The following GRM7 variants were observed in gnomAD, a reference collection of about 807,000 sequenced individuals.
GRM7 encodes glutamate metabotropic receptor 7.
GRM7 carries 35 observed loss-of-function variants against 84.5 expected under a neutral mutation model. The ratio of observed to expected loss-of-function variants is 0.41; its 90% confidence interval spans 0.32 to 0.55. The LOEUF (loss-of-function observed/expected upper bound fraction) is 0.55. Ranked by LOEUF, GRM7 falls within the 20% of genes least tolerant of loss-of-function variation. The pLI is 0.19. For missense variants in GRM7, 1,003 were observed against 1,194.6 expected (o/e 0.84, Z 2.36); for synonymous variants, 487 against 455.1 (o/e 1.07, Z -0.89).
At chr3:7,694,688 A>G (rs1700950782) in intron 9 of GRM7, among the ~76,000 whole-genome samples, 1 of 152,124 alleles carries the variant, frequency 6.6e-6, no homozygotes, top group African/African-American at 2.4e-5. Flanking sequence ...ATGTTTCCTG[A>G]CTCTAGGCAT....
chr3:7,092,003 A>AT (rs1698681603), intron 1 of GRM7, among the ~76,000 whole-genome samples: 1 of 151,538 alleles, frequency 6.6e-6, no homozygotes, highest in Admixed American at 6.6e-5. Flanking sequence ...TTATTTATTT[A>AT]TTATTTATTT....
At chr3:7,403,656 TACAC>T (rs557830060) in intron 4 of GRM7, among the ~76,000 whole-genome samples, 1,770 of 145,918 alleles carry the variant, frequency 0.012, 38 homozygotes, top group African/African-American at 0.037. Flanking sequence ...TATATGTACA[TACAC>T]ACACATTTTT....
chr3:6,883,707 A>T (rs891174826), intron 1 of GRM7, among the ~76,000 whole-genome samples: 5 of 152,208 alleles, frequency 3.3e-5, no homozygotes, highest in African/African-American at 1.2e-4. Flanking sequence ...AGAACAGCCT[A>T]GGAAAGCTTC....
intron 1 of GRM7, among the ~76,000 whole-genome samples, chr3:6,947,009 T>G (rs1374206205): frequency 1.3e-5 from 2 of 152,190 alleles, no homozygotes; most frequent in Non-Finnish European, 2.9e-5. Flanking sequence ...CAGGGAGAAT[T>G]TGACTTCTTC....
intron 1 of GRM7, among the ~76,000 whole-genome samples, chr3:7,128,864 T>C (rs1001195360): frequency 6.6e-6 from 1 of 151,964 alleles, no homozygotes; most frequent in Non-Finnish European, 1.5e-5. Context: ...TTCCAATCCA[T>C]GGAGAAACAT....
At chr3:7,205,108 T>G (rs972023015) in intron 2 of GRM7, among the ~76,000 whole-genome samples, 2 of 152,224 alleles carry the variant, frequency 1.3e-5, no homozygotes, top group African/African-American at 4.8e-5. Flanking sequence ...GGTTTTAGGC[T>G]TCAGACAATG....
intron 9 of GRM7, among the ~76,000 whole-genome samples, chr3:7,736,813 TAA>T (rs1298068388): frequency 6.6e-6 from 1 of 152,226 alleles, no homozygotes; most frequent in African/African-American, 2.4e-5. Context: ...TTTGGATGTT[TAA>T]ATCACTTCAT....
intron 9 of GRM7, among the ~76,000 whole-genome samples, chr3:7,695,570 G>A (rs1220677522): frequency 2.0e-5 from 3 of 152,178 alleles, no homozygotes; most frequent in Non-Finnish European, 2.9e-5. Flanking sequence ...AATCAGCCAT[G>A]ATCTTGTGGA....
chr3:7,026,003 C>T (rs1695967028), intron 1 of GRM7, among the ~76,000 whole-genome samples: 1 of 152,190 alleles, frequency 6.6e-6, no homozygotes, highest in South Asian at 2.1e-4. Flanking sequence ...CTGTGACTAT[C>T]ATCCCCCAAC....
chr3:7,629,851 A>C (rs1311774481), intron 8 of GRM7, among the ~76,000 whole-genome samples: 25 of 152,230 alleles, frequency 1.6e-4, no homozygotes, highest in Admixed American at 1.6e-3. Flanking sequence ...ACATTTAAAA[A>C]TAGATTTGAA....
At chr3:7,548,803 CT>C (rs1472329152) in intron 7 of GRM7, among the ~76,000 whole-genome samples, 2 of 152,166 alleles carry the variant, frequency 1.3e-5, no homozygotes, top group Non-Finnish European at 2.9e-5. Flanking sequence ...GGGTGTGCCC[CT>C]TTTCTAAGAA....
intron 8 of GRM7, among the ~76,000 whole-genome samples, chr3:7,624,718 G>T (rs1559447154): frequency 6.6e-6 from 1 of 152,134 alleles, no homozygotes; most frequent in Non-Finnish European, 1.5e-5. Context: ...CATGTTAGGG[G>T]TTCAATAAAC....
intron 1 of GRM7, among the ~76,000 whole-genome samples, chr3:7,064,849 C>G (rs753927826): frequency 1.3e-5 from 2 of 151,566 alleles, no homozygotes; most frequent in Non-Finnish European, 3.0e-5. Flanking sequence ...TGCATCCATG[C>G]CAACATCTAC....
At position 7,665,168 on chromosome 3, in the gene GRM7, CTTTT is replaced by C. The variant is rs34966790; in HGVS notation, c.2452-14863_2452-14860del. Among the ~76,000 whole-genome samples the C allele has an allele frequency of 4.9e-5, 5 of 102,516 alleles. No individual in the cohort carries two copies. The East Asian group carries it at 7.4e-4, about 15-fold the overall frequency. The allele number at this position is 102,516 out of a possible 152,430, so 67.3% of individuals were successfully genotyped here. A position where few individuals can be genotyped will look rare whatever the true frequency, so the allele number is the denominator to read the frequency against. ...ATACGGAGAATGTTTGCCCATGATT[CTTTT>C]TTTTTTTTTTTTTTTTTGAGACGGA... On this transcript the variant is annotated intron_variant, in intron 8 of 9. Transcript: ENST00000357716.
At chr3:7,104,184 C>G (rs1056678636) in intron 1 of GRM7, among the ~76,000 whole-genome samples, 1 of 151,452 alleles carries the variant, frequency 6.6e-6, no homozygotes, top group African/African-American at 2.4e-5. Flanking sequence ...TGAGGACACA[C>G]TAAGTATTTA....
chr3:7,380,369 AAAAT>A (rs142755969), intron 4 of GRM7, among the ~76,000 whole-genome samples: 152,334 of 152,338 alleles, frequency 1, 76,165 homozygotes, highest in Middle Eastern at 1. Flanking sequence ...TCAGAGGACC[AAAAT>A]TTGCTTTCTG....
At chr3:7,429,958 G>A (rs1696762299) in intron 5 of GRM7, among the ~76,000 whole-genome samples, 1 of 152,082 alleles carries the variant, frequency 6.6e-6, no homozygotes, top group Non-Finnish European at 1.5e-5. Flanking sequence ...CTTAAAATAT[G>A]TATTAAATGG....
intron 2 of GRM7, among the ~76,000 whole-genome samples, chr3:7,149,144 A>G (rs943332360): frequency 6.6e-6 from 1 of 152,202 alleles, no homozygotes; most frequent in Non-Finnish European, 1.5e-5. Flanking sequence ...ATTTAGTTGC[A>G]TGAACTTATG....
chr3:7,145,222 A>C (rs1694071372), intron 1 of GRM7, among the ~76,000 whole-genome samples: 1 of 152,102 alleles, frequency 6.6e-6, no homozygotes, highest in African/African-American at 2.4e-5. Flanking sequence ...TGGCCTTTGG[A>C]CACCCGAGAA....
Sources: allele counts gnomAD v4.1 joint callset (sites outside exome capture counted in the v4.1 genomes callset), GRCh38; gene constraint gnomAD v4.1.1; transcripts MANE v1.5; gene names NCBI Gene and HGNC (gene_info 2026-07-23, HGNC 2026-07-21).